DYNC2H1: variants seen among roughly 807,000 people sequenced by gnomAD.
The protein encoded by DYNC2H1 is cytoplasmic dynein 2 heavy chain 1.
Under a neutral mutation model 570.0 loss-of-function variants are expected in DYNC2H1, and 410 were observed. The observed-to-expected ratio is 0.72, with a 90% CI of 0.66 to 0.78. DYNC2H1 has a LOEUF of 0.78. Ranked by LOEUF, DYNC2H1 falls within the 30% of genes least tolerant of loss-of-function variation. The pLI is 0.00. For missense variants in DYNC2H1, 4,865 were observed against 5,046.4 expected (o/e 0.96, Z 1.09); for synonymous variants, 1,688 against 1,677.6 (o/e 1.01, Z -0.15).
intron 45 of DYNC2H1, among the ~76,000 whole-genome samples, chr11:103,190,668 G>T (rs1862264868): frequency 6.6e-6 from 1 of 152,070 alleles, no homozygotes. Context: ...AAGTTTAAAA[G>T]CAAGAAATTC....
At position 103,129,898 on chromosome 11, in the gene DYNC2H1, C is replaced by T. The variant is rs951371337; in HGVS notation, c.1953+893C>T. 3.3e-5 allele frequency among the ~76,000 whole-genome samples: 5 copies of T among 152,062 alleles called. No individual in the cohort carries two copies. The highest frequency in any genetic ancestry group is 1.2e-4 in the African/African-American group (5 of 41,392). Reference sequence around the variant, plus strand: ...AGTTGTGTCAGGATCCTCAGGACCACCCCAGATTCTTTGATTTGCTCAGAG... The same window carrying T: ...AGTTGTGTCAGGATCCTCAGGACCATCCCAGATTCTTTGATTTGCTCAGAG... On this transcript the variant is annotated intron_variant, in intron 13 of 88. Transcript: ENST00000375735. The surrounding 1 kb of genome is among the most constrained non-coding windows in gnomAD (Gnocchi z 4.1).
chr11:103,222,995 C>T lies in DYNC2H1; in HGVS notation c.9262C>T (p.Pro3088Ser), dbSNP rs764931443. Residue 3088 changes from proline to serine, a missense_variant, in exon 59 of 89, where the codon CCT becomes TCT. Pro to Ser is a moderately conservative substitution (Grantham distance 74). Coordinates refer to ENST00000375735, the MANE Select transcript of DYNC2H1 (RefSeq NM_001377.3). ...NAKRASTAAA[P>S]LAAWVKANIQ... is the part of the protein sequence containing the mutation. ...TAAGCGTGCCAGTACTGCAGCTGCA[C>T]CTTTGGCTGCCTGGGTGAAAGCCAA... is the stretch of plus-strand genomic sequence containing the variant. The T allele has an allele frequency of 1.1e-4, 174 of 1,613,264 alleles. No individual in the cohort carries two copies. Among genetic ancestry groups the T allele is most frequent in the Non-Finnish European group, 1.4e-4 (168 of 1,179,564 alleles).
chr11:103,167,363 G>A (rs755627936), intron 31 of DYNC2H1, among the ~76,000 whole-genome samples: 1 of 151,718 alleles, frequency 6.6e-6, no homozygotes, highest in Admixed American at 6.6e-5. Context: ...GACCTCCTGA[G>A]CTCAAGCAAT....
chr11:103,168,888 C>A lies in DYNC2H1; in HGVS notation c.4896C>A (p.Phe1632Leu). The A allele has an allele frequency of 6.2e-7, 1 of 1,613,096 alleles. No individual in the cohort carries two copies. Among genetic ancestry groups the A allele is most frequent in the Non-Finnish European group, 8.5e-7 (1 of 1,179,506 alleles). The change falls in exon 32 of 89, where the codon TTC becomes TTA. Residue 1632 changes from phenylalanine (F) to leucine (L), a missense_variant. By Grantham distance (22) the Phe-to-Leu change is conservative. Coordinates refer to ENST00000375735, the MANE Select transcript of DYNC2H1 (RefSeq NM_001377.3). ...GGGCTTGGAAAAAACAACTTAGATT[C>A]TATATGAAAAGTGATCATACATGTT... ...EDWAWKKQLRFYMKSDHTCCV... is the reference protein window; with the variant it reads ...EDWAWKKQLRLYMKSDHTCCV...
chr11:103,124,952 A>G (rs1858912312), intron 11 of DYNC2H1, 148 bp from the exon 12 acceptor site: 1 of 542,840 alleles, frequency 1.8e-6, no homozygotes, highest in South Asian at 3.6e-5. Context: ...ATATGGAAAA[A>G]ACCCACAACT....
intron 84 of DYNC2H1, among the ~76,000 whole-genome samples, chr11:103,418,030 G>A (rs1241154106): frequency 6.6e-6 from 1 of 150,788 alleles, no homozygotes; most frequent in Admixed American, 6.6e-5. Flanking sequence ...GATTAGAAGT[G>A]AACCTCTACA....
chr11:103,154,701 G>C lies in DYNC2H1; in HGVS notation c.3465G>C (p.Lys1155Asn), dbSNP rs1157248502. The C allele has an allele frequency of 6.4e-7, 1 of 1,569,114 alleles. No individual in the cohort carries two copies. Among genetic ancestry groups the C allele is most frequent in the East Asian group, 2.3e-5 (1 of 43,184 alleles). Reference protein sequence around the residue: ...ANEDWITFRTKTYLFEEFLMN... With the variant: ...ANEDWITFRTNTYLFEEFLMN... Reference sequence around the variant, plus strand: ...TGTTTTTGGTATTTTATAGGACTAAGACATACCTGTTTGAGGAATTTTTGA... The same window carrying C: ...TGTTTTTGGTATTTTATAGGACTAACACATACCTGTTTGAGGAATTTTTGA... Residue 1155 changes from lysine to asparagine, a missense_variant, in exon 24 of 89, where the codon AAG becomes AAC. Lys to Asn is a moderately conservative substitution (Grantham distance 94). Around this residue, in one of 5 missense-constraint regions of DYNC2H1, gnomAD observed 1,936 missense variants for 1,962.1 expected, o/e 0.99. Transcript: ENST00000375735.
At chr11:103,253,259 A>G in intron 65 of DYNC2H1, 26 bp from the exon 66 acceptor site, 3 of 1,593,020 alleles carry the variant, frequency 1.9e-6, no homozygotes, top group Non-Finnish European at 2.6e-6. Context: ...ATTCAGACCA[A>G]CCAATTGTGT....
chr11:103,348,791 C>T (rs1048868825), intron 82 of DYNC2H1, among the ~76,000 whole-genome samples: 6 of 152,064 alleles, frequency 3.9e-5, no homozygotes, highest in African/African-American at 1.4e-4. Flanking sequence ...GTTCCCATAT[C>T]CCCCATGTGT....
chr11:103,287,533 A>C lies in DYNC2H1; in HGVS notation c.11023A>C (p.Ile3675Leu). 6.2e-7 allele frequency: 1 copy of C among 1,600,830 alleles called. No homozygotes were observed. Among genetic ancestry groups the C allele is most frequent in the African/African-American group, 1.3e-5 (1 of 74,618 alleles). The part of the protein sequence containing the change: ...LAKKVSLFQQ[I>L]LVVQALRPDR... Reference sequence around the variant, plus strand: ...AAAATATTCTGCATTTTATTTTAAGATTCTTGTAGTACAGGCGCTAAGACC... The same window carrying C: ...AAAATATTCTGCATTTTATTTTAAGCTTCTTGTAGTACAGGCGCTAAGACC... Residue 3675 changes from isoleucine to leucine, a missense_variant and splice_region_variant, in exon 75 of 89, where the codon ATT becomes CTT. Around this residue, in one of 5 missense-constraint regions of DYNC2H1, gnomAD observed 2,401 missense variants for 2,454.6 expected, o/e 0.98. Coordinates refer to ENST00000375735, the MANE Select transcript of DYNC2H1 (RefSeq NM_001377.3).
At chr11:103,341,636 CTG>C (rs1429265920) in intron 82 of DYNC2H1, among the ~76,000 whole-genome samples, 1 of 152,124 alleles carries the variant, frequency 6.6e-6, no homozygotes, top group Non-Finnish European at 1.5e-5. Flanking sequence ...TTAGAAGAAA[CTG>C]TAAAGAATTG....
At chr11:103,112,409 G>A (rs1288722520) in intron 1 of DYNC2H1, among the ~76,000 whole-genome samples, 2 of 152,156 alleles carry the variant, frequency 1.3e-5, no homozygotes, top group Admixed American at 1.3e-4. Flanking sequence ...TTAGGACAGA[G>A]GTTGGCAAAA....
chr11:103,138,999 G>A (rs1187805806), intron 17 of DYNC2H1, among the ~76,000 whole-genome samples: 7 of 150,634 alleles, frequency 4.6e-5, no homozygotes, highest in East Asian at 3.9e-4. Flanking sequence ...GTTTATTTGC[G>A]TAGAGGTGTT....
In DYNC2H1 at chr11:103,476,589, C is replaced by G. The variant is rs913619489; in HGVS notation, c.12766-2506C>G. On this transcript the variant is annotated intron_variant, in intron 88 of 88. Coordinates refer to ENST00000375735, the MANE Select transcript of DYNC2H1 (RefSeq NM_001377.3). ...AATTTAGGACAGATGGTGTTTTTAT[C>G]TATTTGGGAATCATTTTACCTAGAG... Among the ~76,000 whole-genome samples, 3 of 152,196 alleles carry G rather than the reference C, an allele frequency of 2.0e-5. 1 individual carries two copies. The South Asian group carries it at 6.2e-4, about 32-fold the overall frequency.
rs34549261 is a variant in DYNC2H1, at chr11:103,399,138, G to GTTTTTTTTTT, written c.12157-524_12157-515dup. 1.3e-4 allele frequency among the ~76,000 whole-genome samples: 15 copies of GTTTTTTTTTT among 113,902 alleles called. 2 individuals carry two copies. The highest frequency in any genetic ancestry group is 2.5e-4 in the East Asian group (1 of 3,970). The allele number at this position is 113,902 out of a possible 152,430, so 74.7% of individuals were successfully genotyped here. A position where few individuals can be genotyped will look rare whatever the true frequency, so the allele number is the denominator to read the frequency against. ...GTTCTTAATTCTCATTTCCCACACC[G>GTTTTTTTTTT]TTTTTTTTTTGTTTTTTTTTTTGAG... On this transcript the variant is annotated intron_variant, in intron 83 of 88. Transcript: ENST00000375735.
intron 60 of DYNC2H1, among the ~76,000 whole-genome samples, chr11:103,232,226 A>G (rs950859949): frequency 6.6e-6 from 1 of 152,006 alleles, no homozygotes; most frequent in Non-Finnish European, 1.5e-5. Context: ...GTTAGGTGTT[A>G]TACTGGGTAA....
chr11:103,203,787 T>A lies in DYNC2H1; in HGVS notation c.8311+11T>A. 6.5e-7 allele frequency: 1 copy of A among 1,531,638 alleles called. No homozygotes were observed. The highest frequency in any genetic ancestry group is 1.4e-5 in the African/African-American group (1 of 72,688). 94.9% of individuals were successfully genotyped at this position (1,531,638 alleles called of 1,614,324 possible). The stretch of plus-strand genomic sequence containing the variant: ...ATTACTTCACATATAGTAAGTGACA[T>A]AGAATTCATTAATCAAATCAAACTG... On this transcript the variant is annotated intron_variant, in intron 51 of 88. Coordinates refer to ENST00000375735, the MANE Select transcript of DYNC2H1 (RefSeq NM_001377.3). The surrounding 1 kb of genome is among the most constrained non-coding windows in gnomAD (Gnocchi z 4.7).
At chr11:103,223,174 C>A in intron 59 of DYNC2H1, 88 bp downstream of exon 59, 2 of 1,290,016 alleles carry the variant, frequency 1.6e-6, no homozygotes, top group Non-Finnish European at 1.0e-6. Flanking sequence ...TATTTTTTCT[C>A]TATTTGTAAA....
intron 59 of DYNC2H1, among the ~76,000 whole-genome samples, chr11:103,224,659 C>T (rs999618929): frequency 6.6e-6 from 1 of 152,154 alleles, no homozygotes; most frequent in South Asian, 2.1e-4. Flanking sequence ...GAATGATGGG[C>T]ATTGGGTTGG....
Sources: gnomAD v4.1 joint callset for allele counts (sites outside exome capture counted in the v4.1 genomes callset) on GRCh38, gnomAD v4.1.1 for gene constraint, gnomAD v4.1.1 regional missense constraint, Gnocchi (gnomAD v3.1) non-coding constraint, MANE v1.5 for transcripts, NCBI Gene and HGNC (gene_info 2026-07-23, HGNC 2026-07-21) for gene names.